Variants in C9orf72 observed in about 807,000 individuals in gnomAD.
The protein encoded by C9orf72 is guanine nucleotide exchange factor C9orf72.
Under a neutral mutation model 51.6 loss-of-function variants are expected in C9orf72, and 44 were observed. That is an observed-to-expected ratio of 0.85 (90% confidence interval 0.67 to 1.10). The LOEUF (loss-of-function observed/expected upper bound fraction) is 1.10, where lower values mean the gene tolerates loss of function less well. Among genes scored for constraint, C9orf72 ranks in the 50% least tolerant of loss-of-function variants. The probability of loss-of-function intolerance (pLI) is 0.00; values close to 1 mark genes in which losing one functional copy is unlikely to be tolerated. For synonymous variants in C9orf72, 213 were observed against 194.2 expected (o/e 1.10, Z -0.81); for missense variants, 607 against 570.6 (o/e 1.06, Z -0.65).
chr9:27,559,299 G>A (rs1587310165), intron 6 of C9orf72: 2 of 151,324 alleles, frequency 1.3e-5, no homozygotes, highest in Admixed American at 1.3e-4. Context: ...TCCAACTATG[G>A]AGCCTTTCTC....
Position 27,561,635 on chromosome 9 carries a change from T to C in C9orf72, c.615A>G (p.Val205=). The change falls in exon 5 of 11, where the codon GTA becomes GTG. Residue 205 remains valine (V), a synonymous_variant. Transcript: ENST00000380003. ...VPEEIDIADT[V]LNDDDIGDSC... ...TGTCACCAATATCATCATCATTGAG[T>C]ACTGTATCAGCTATCTAAAATGCAT... is the stretch of plus-strand genomic sequence containing the variant. The C allele has an allele frequency of 6.2e-7, 1 of 1,603,768 alleles. No individual in the cohort carries two copies. Among genetic ancestry groups the C allele is most frequent in the East Asian group, 2.2e-5 (1 of 44,676 alleles).
At position 27,558,507 on chromosome 9, in the gene C9orf72, A is replaced by G. The variant is rs769851288; in HGVS notation, c.839T>C (p.Val280Ala). Residue 280 changes from valine (V) to alanine (A), a missense_variant, in exon 7 of 11, where the codon GTA becomes GCA. Physicochemically the swap from Val to Ala is moderately conservative, Grantham distance 64. Coordinates refer to ENST00000380003, the MANE Select transcript of C9orf72 (RefSeq NM_018325.5). ...SSFKYESGLF[V>A]QGLLKDSTGS... ...AAACTATACCTTTAGCAGGCCTTGT[A>G]CAAAGAGCCCTGACTCATATTTAAA... The G allele has an allele frequency of 1.3e-6, 2 of 1,587,386 alleles. No homozygotes were observed. Among genetic ancestry groups the G allele is most frequent in the Admixed American group, 3.4e-5 (2 of 58,178 alleles).
chr9:27,548,175 C>A lies in C9orf72; in HGVS notation c.*61G>T. 7.5e-7 allele frequency: 1 copy of A among 1,335,004 alleles called. No homozygotes were observed. The highest frequency in any genetic ancestry group is 1.0e-6 in the Non-Finnish European group (1 of 961,340). 82.7% of individuals were successfully genotyped at this position (1,335,004 alleles called of 1,614,324 possible). ...TGATCCAGGGGAACGTTTCCCCACA[C>A]CACTGAGCTACTTTACCAGCGATCA... On this transcript the variant is annotated 3_prime_UTR_variant, in exon 11 of 11. Transcript: ENST00000380003.
chr9:27,548,123 A>G lies in C9orf72; in HGVS notation c.*113T>C. On this transcript the variant is annotated 3_prime_UTR_variant, in exon 11 of 11. Transcript: ENST00000380003. The stretch of plus-strand genomic sequence containing the variant: ...ACTGTAGTGTAACTTACTTAACTGC[A>G]ATTGCTGAGAGCAGAATTCTGGAGT... The G allele has an allele frequency of 1.4e-6, 1 of 713,480 alleles. No individual in the cohort carries two copies. Among genetic ancestry groups the G allele is most frequent in the Non-Finnish European group, 2.2e-6 (1 of 447,998 alleles). 44.2% of individuals were successfully genotyped at this position (713,480 alleles called of 1,614,324 possible).
chr9:27,552,737 G>C (rs1820935036), intron 8 of C9orf72, among the ~76,000 whole-genome samples: 1 of 151,882 alleles, frequency 6.6e-6, no homozygotes, highest in Non-Finnish European at 1.5e-5. Context: ...TGTGGTTTTT[G>C]TTTTTAGCTC....
At chr9:27,562,597 C>T (rs1222892317) in intron 3 of C9orf72, 121 bp from the exon 4 acceptor site, 4 of 461,818 alleles carry the variant, frequency 8.7e-6, no homozygotes, top group Non-Finnish European at 1.5e-5. Flanking sequence ...GTAATTTGTT[C>T]AAACACAGTA....
At position 27,561,698 on chromosome 9, in the gene C9orf72, T is replaced by C. The variant is rs372675175; in HGVS notation, c.601-49A>G. 44 of 1,172,610 alleles carry C rather than the reference T, an allele frequency of 3.8e-5. No individual in the cohort carries two copies. The African/African-American group carries it at 6.4e-4, about 17-fold the overall frequency. The allele number at this position is 1,172,610 out of a possible 1,614,324, so 72.6% of individuals were successfully genotyped here. The stretch of plus-strand genomic sequence containing the variant: ...AAATTAGTCTGGCTGTAACATAGTG[T>C]TGAAATAACACTTTTAATATACAAG... On this transcript the variant is annotated intron_variant, in intron 4 of 10. Coordinates refer to ENST00000380003, the MANE Select transcript of C9orf72 (RefSeq NM_018325.5).
At chr9:27,548,768 A>G in intron 9 of C9orf72, 102 bp from the exon 10 acceptor site, 1 of 673,450 alleles carries the variant, frequency 1.5e-6, no homozygotes. Context: ...AATACACACT[A>G]AACATCTCCT....
At chr9:27,564,115 A>C (rs944237064) in intron 3 of C9orf72, among the ~76,000 whole-genome samples, 1 of 149,876 alleles carries the variant, frequency 6.7e-6, no homozygotes, top group Non-Finnish European at 1.5e-5. Flanking sequence ...AGACATTATC[A>C]GTATAAGTGA....
At position 27,548,432 on chromosome 9, in the gene C9orf72, A is replaced by G; in HGVS notation, c.1260-10T>C. 1 of 895,086 alleles carries G rather than the reference A, an allele frequency of 1.1e-6. No homozygotes were observed. The highest frequency in any genetic ancestry group is 1.6e-6 in the Non-Finnish European group (1 of 609,260). The allele number at this position is 895,086 out of a possible 1,614,324, so 55.4% of individuals were successfully genotyped here. A position where few individuals can be genotyped will look rare whatever the true frequency, so the allele number is the denominator to read the frequency against. The stretch of plus-strand genomic sequence containing the variant: ...CTTTTTTCCCTTCTGCCTAAAAATA[A>G]TGGAAAAAAAAAAAAAAAAAAAAAA... On this transcript the variant is annotated splice_polypyrimidine_tract_variant and intron_variant, in intron 10 of 10. Coordinates refer to ENST00000380003, the MANE Select transcript of C9orf72 (RefSeq NM_018325.5).
intron 1 of C9orf72, among the ~76,000 whole-genome samples, chr9:27,571,478 C>T (rs929290423): frequency 3.3e-5 from 5 of 152,088 alleles, no homozygotes; most frequent in Non-Finnish European, 7.4e-5. Flanking sequence ...TTTTTAGAGA[C>T]AGGGTCTCGT....
Position 27,546,688 on chromosome 9 carries a change from C to T in C9orf72, c.*1548G>A, listed in dbSNP as rs549660498. ...CAATAAACCAGCCAAAGAAAATAAC[C>T]AGTTAGCACTTAAATAAGAATCTAC... On this transcript the variant is annotated 3_prime_UTR_variant, in exon 11 of 11. Transcript: ENST00000380003. 13 of 152,234 alleles carry T rather than the reference C, an allele frequency of 8.5e-5. No homozygotes were observed. The highest frequency in any genetic ancestry group is 1.5e-4 in the Non-Finnish European group (10 of 67,998). The allele number at this position is 152,234 out of a possible 1,614,324, so 9.4% of individuals were successfully genotyped here. A position where few individuals can be genotyped will look rare whatever the true frequency, so the allele number is the denominator to read the frequency against.
chr9:27,573,523 CGCCCCG>C (rs143561967), upstream of C9orf72: 75,794 of 142,304 alleles, frequency 0.53, 20,541 homozygotes, highest in East Asian at 0.61. Context: ...GCCCCGACCA[CGCCCCG>C]GCCCCGGCCC....
chr9:27,560,671 C>G, intron 5 of C9orf72: 2 of 997,324 alleles, frequency 2.0e-6, no homozygotes, highest in Non-Finnish European at 2.4e-6. Context: ...TGAACAGATA[C>G]AGGACTAAAG....
intron 1 of C9orf72, among the ~76,000 whole-genome samples, chr9:27,572,875 C>G (rs147018898): frequency 1.7e-4 from 26 of 152,336 alleles, no homozygotes; most frequent in African/African-American, 5.1e-4. Context: ...GGGAGCACAC[C>G]GACTTGCATT....
intron 8 of C9orf72, among the ~76,000 whole-genome samples, chr9:27,555,892 T>C (rs1181145551): frequency 6.6e-6 from 1 of 152,104 alleles, no homozygotes; most frequent in Non-Finnish European, 1.5e-5. Flanking sequence ...CACAAAAGTA[T>C]ACTATAATTC....
intron 10 of C9orf72, 27 bp downstream of exon 10, chr9:27,548,530 T>C (rs1464809407): frequency 1.3e-6 from 2 of 1,518,512 alleles, no homozygotes; most frequent in African/African-American, 2.8e-5. Context: ...TACAAAGGTT[T>C]TTCTTCCGTG....
At chr9:27,555,160 T>C (rs1820984524) in intron 8 of C9orf72, among the ~76,000 whole-genome samples, 1 of 152,186 alleles carries the variant, frequency 6.6e-6, no homozygotes, top group South Asian at 2.1e-4. Context: ...CTTCTACATG[T>C]CTACTAAAAT....
At chr9:27,556,831 T>C (rs1246302451) in intron 7 of C9orf72, 35 bp from the exon 8 acceptor site, 2 of 1,306,636 alleles carry the variant, frequency 1.5e-6, no homozygotes, top group African/African-American at 2.9e-5. Flanking sequence ...CTGTCTTACA[T>C]GCCAAACGAT....
Sources: gnomAD v4.1 joint callset for allele counts (sites outside exome capture counted in the v4.1 genomes callset) on GRCh38, gnomAD v4.1.1 for gene constraint, MANE v1.5 for transcripts, NCBI Gene and HGNC (gene_info 2026-07-23, HGNC 2026-07-21) for gene names.